The following DHX16 variants were observed in gnomAD, a reference collection of about 807,000 sequenced individuals.
DHX16 encodes pre-mRNA-splicing factor ATP-dependent RNA helicase DHX16.
Under a neutral mutation model 131.2 loss-of-function variants are expected in DHX16, and 81 were observed. The observed-to-expected ratio is 0.62, with a 90% CI of 0.52 to 0.74. DHX16 has a LOEUF of 0.74. Ranked by LOEUF, DHX16 falls within the 30% of genes least tolerant of loss-of-function variation. The probability of loss-of-function intolerance (pLI) is 0.00; values close to 1 mark genes in which losing one functional copy is unlikely to be tolerated. For missense variants in DHX16, 980 were observed against 1,363.1 expected (o/e 0.72, Z 4.43); for synonymous variants, 440 against 520.2 (o/e 0.85, Z 2.10).
rs566052371 is a variant in DHX16, at chr6:30,672,538, A to G, written c.207+97T>C. 77 of 1,124,886 alleles carry G rather than the reference A, an allele frequency of 6.8e-5. No individual in the cohort carries two copies. The Admixed American group carries it at 1.6e-3, about 23-fold the overall frequency. 69.7% of individuals were successfully genotyped at this position (1,124,886 alleles called of 1,614,324 possible). A position where few individuals can be genotyped will look rare whatever the true frequency, so the allele number is the denominator to read the frequency against. On this transcript the variant is annotated intron_variant, in intron 1 of 19. Coordinates refer to ENST00000376442, the MANE Select transcript of DHX16 (RefSeq NM_003587.5). ...ACCTACGCGACAACGGACAAAGAATAAGTGCTTGTGAACTGAGCTTTCTTA... is the reference window on the plus strand; with the variant it reads ...ACCTACGCGACAACGGACAAAGAATGAGTGCTTGTGAACTGAGCTTTCTTA...
Sources: gnomAD v4.1 joint callset for allele counts on GRCh38, gnomAD v4.1.1 for gene constraint, MANE v1.5 for transcripts, NCBI Gene and HGNC (gene_info 2026-07-23, HGNC 2026-07-21) for gene names.